Variants in C1orf35 observed in about 807,000 individuals in gnomAD.
C1orf35 encodes the protein multiple myeloma tumor-associated protein 2.
Under a neutral mutation model 30.9 loss-of-function variants are expected in C1orf35, and 36 were observed. That is an observed-to-expected ratio of 1.16 (90% CI 0.89 to 1.54). The LOEUF (loss-of-function observed/expected upper bound fraction) is 1.54. C1orf35 is among the 40% of genes most tolerant of loss of function. The pLI is 0.00. For synonymous variants in C1orf35, 179 were observed against 148.2 expected (o/e 1.21, Z -1.51); for missense variants, 396 against 358.7 (o/e 1.10, Z -0.84).
rs1363764730 is a variant in C1orf35 at position 228,101,145 on chromosome 1, C to T, written c.778G>A (p.Gly260Ser). Reference sequence around the variant, plus strand: ...GGGTCCAGCCATCAGGCCTCAGAGCCTCTGTCATGCCACCTGCGAGACGGG... The same window carrying T: ...GGGTCCAGCCATCAGGCCTCAGAGCTTCTGTCATGCCACCTGCGAGACGGG... ...RSPSRRWHDR[G>S]SEA Residue 260 changes from glycine (G) to serine (S), a missense_variant, in exon 8 of 8, where the codon GGC becomes AGC. Coordinates refer to ENST00000272139, the MANE Select transcript of C1orf35 (RefSeq NM_024319.4). The T allele has an allele frequency of 6.2e-7, 1 of 1,613,660 alleles. No individual in the cohort carries two copies. Among genetic ancestry groups the T allele is most frequent in the Non-Finnish European group, 8.5e-7 (1 of 1,180,034 alleles).
At position 228,102,338 on chromosome 1, in the gene C1orf35, G is replaced by T. The variant is rs1443491895; in HGVS notation, c.419C>A (p.Ala140Asp). 6.2e-7 allele frequency: 1 copy of T among 1,611,388 alleles called. No homozygotes were observed. The highest frequency in any genetic ancestry group is 8.5e-7 in the Non-Finnish European group (1 of 1,179,730). The change falls in exon 5 of 8, where the codon GCC becomes GAC. Residue 140 changes from alanine (A) to aspartate (D), a missense_variant. By Grantham distance (126) the Ala-to-Asp change is moderately radical (BLOSUM62 -2). Coordinates refer to ENST00000272139, the MANE Select transcript of C1orf35 (RefSeq NM_024319.4). The part of the protein sequence containing the change: ...RVAMSREDKE[A>D]AKLGLSVFTH... The stretch of plus-strand genomic sequence containing the variant: ...GAACACAGACAGCCCCAGTTTGGCG[G>T]CCTCCTTGTCCTCTCGGGACATCGC...
At chr1:228,101,910 C>T in intron 6 of C1orf35, 170 bp downstream of exon 6, 1 of 1,421,190 alleles carries the variant, frequency 7.0e-7, no homozygotes, top group Non-Finnish European at 9.1e-7. Context: ...ACCCGAGAAA[C>T]TCCCCTAGAG....
Position 228,101,409 on chromosome 1 carries a change from C to G in C1orf35, c.598G>C (p.Glu200Gln). 1 of 1,613,892 alleles carries G rather than the reference C, an allele frequency of 6.2e-7. No homozygotes were observed. ...KKKKKRKHKKEKKKKDKEHRR... is the reference protein window; with the variant it reads ...KKKKKRKHKKQKKKKDKEHRR... Reference sequence around the variant, plus strand: ...TGCTCTTTGTCTTTCTTCTTCTTCTCTTTCTTGTGTTTCCTCTTTTTCTTT... The same window carrying G: ...TGCTCTTTGTCTTTCTTCTTCTTCTGTTTCTTGTGTTTCCTCTTTTTCTTT... Residue 200 changes from glutamate (E) to glutamine (Q), a missense_variant, in exon 7 of 8, where the codon GAG becomes CAG. Glu to Gln is a conservative substitution (Grantham distance 29). Transcript: ENST00000272139.
At chr1:228,102,188 G>A (rs1247482819) in intron 5 of C1orf35, 23 bp from the exon 6 acceptor site, 1 of 1,570,120 alleles carries the variant, frequency 6.4e-7, no homozygotes, top group African/African-American at 1.3e-5. Flanking sequence ...CGAGCTCTGC[G>A]GAGGAGTCTG....
Position 228,103,309 on chromosome 1 carries a change from G to T in C1orf35, c.-82C>A, listed in dbSNP as rs1341947407. ...CGAGACCCGCTACCCACTACCGTCG[G>T]ACCCAGGCCCGACCCCGCCTCCGCG... On this transcript the variant is annotated 5_prime_UTR_variant, in exon 1 of 8. Coordinates refer to ENST00000272139, the MANE Select transcript of C1orf35 (RefSeq NM_024319.4). 5.3e-6 allele frequency: 8 copies of T among 1,500,314 alleles called. No homozygotes were observed. Among genetic ancestry groups the T allele is most frequent in the East Asian group, 5.0e-5 (2 of 40,124 alleles). 92.9% of individuals were successfully genotyped at this position (1,500,314 alleles called of 1,614,324 possible).
At chr1:228,101,645 G>A (rs1297821341) in intron 6 of C1orf35, 172 bp from the exon 7 acceptor site, 7 of 1,464,218 alleles carry the variant, frequency 4.8e-6, no homozygotes, top group Middle Eastern at 2.5e-4. Context: ...CAGTGGCTAC[G>A]TGGGTTAGAA....
Position 228,101,409 on chromosome 1 carries a change from CT to C in C1orf35, c.597del (p.Glu200ArgfsTer77), listed in dbSNP as rs776514643. The C allele has an allele frequency of 2.0e-5, 33 of 1,613,892 alleles. No individual in the cohort carries two copies. The highest frequency in any genetic ancestry group is 2.8e-5 in the Non-Finnish European group (33 of 1,179,936). On this transcript the variant is annotated frameshift_variant, in exon 7 of 8. Coordinates refer to ENST00000272139, the MANE Select transcript of C1orf35 (RefSeq NM_024319.4). LOFTEE classifies it high-confidence loss of function. ...TGCTCTTTGTCTTTCTTCTTCTTCTCTTTCTTGTGTTTCCTCTTTTTCTTTT... is the reference window on the plus strand; with the variant it reads ...TGCTCTTTGTCTTTCTTCTTCTTCTCTTCTTGTGTTTCCTCTTTTTCTTTT... ...KKKKKKRKHK[K>X]EKKKKDKEHR...
intron 6 of C1orf35, 143 bp from the exon 7 acceptor site, chr1:228,101,616 A>C: frequency 1.3e-6 from 2 of 1,497,566 alleles, no homozygotes; most frequent in Non-Finnish European, 1.8e-6. Context: ...TCCACTCCTC[A>C]GTTACGTAGT....
Position 228,102,172 on chromosome 1 carries a change from G to A in C1orf35, c.448-7C>T, listed in dbSNP as rs773802973. The A allele has an allele frequency of 8.2e-6, 13 of 1,578,542 alleles. No homozygotes were observed. Among genetic ancestry groups the A allele is most frequent in the South Asian group, 3.4e-5 (3 of 88,604 alleles). The stretch of plus-strand genomic sequence containing the variant: ...CGCTCTCTACGCGGTGATGCTGCGG[G>A]AGAAGCGAGCTCTGCGGAGGAGTCT... On this transcript the variant is annotated splice_polypyrimidine_tract_variant and splice_region_variant and intron_variant, in intron 5 of 7. Transcript: ENST00000272139.
In C1orf35 at chr1:228,102,954, C is replaced by G. The variant is rs758731379; in HGVS notation, c.190G>C (p.Glu64Gln). Residue 64 changes from glutamate (E) to glutamine (Q), a missense_variant, in exon 2 of 8, where the codon GAG (glutamate) becomes CAG (glutamine). Physicochemically the swap from Glu to Gln is conservative, Grantham distance 29. Transcript: ENST00000272139. Reference sequence around the variant, plus strand: ...TCCCGCACGGCTGCCAGTTCCTCCTCGCGGCTCGGGCCCGCGCATGGCGCC... The same window carrying G: ...TCCCGCACGGCTGCCAGTTCCTCCTGGCGGCTCGGGCCCGCGCATGGCGCC... ...GRAPCAGPSR[E>Q]EELAAVREAE... 1.3e-6 allele frequency: 2 copies of G among 1,517,950 alleles called. No individual in the cohort carries two copies. Among genetic ancestry groups the G allele is most frequent in the African/African-American group, 2.9e-5 (2 of 69,678 alleles). 94.0% of individuals were successfully genotyped at this position (1,517,950 alleles called of 1,614,324 possible).
rs776298667 is a variant in C1orf35, at chr1:228,102,161, T to C, written c.452A>G (p.His151Arg). 1 of 1,582,584 alleles carries C rather than the reference T, an allele frequency of 6.3e-7. No homozygotes were observed. ...CCCGGGCCCGCCGCTCTCTACGCGGTGATGCTGCGGGAGAAGCGAGCTCTG... is the reference window on the plus strand; with the variant it reads ...CCCGGGCCCGCCGCTCTCTACGCGGCGATGCTGCGGGAGAAGCGAGCTCTG... Reference protein sequence around the residue: ...AKLGLSVFTHHRVESGGPGTS... With the variant: ...AKLGLSVFTHRRVESGGPGTS... Residue 151 changes from histidine to arginine, a missense_variant, in exon 6 of 8, where the codon CAC becomes CGC. By Grantham distance (29) the His-to-Arg change is conservative. Transcript: ENST00000272139.
chr1:228,100,873 C>CTG lies in C1orf35; in HGVS notation c.*256_*257dup, dbSNP rs1264798953. The CTG allele has an allele frequency of 3.6e-6, 2 of 552,808 alleles. No homozygotes were observed. Among genetic ancestry groups the CTG allele is most frequent in the Middle Eastern group, 4.9e-4 (1 of 2,038 alleles). The allele number at this position is 552,808 out of a possible 1,614,324, so 34.2% of individuals were successfully genotyped here. A position where few individuals can be genotyped will look rare whatever the true frequency, so the allele number is the denominator to read the frequency against. Reference sequence around the variant, plus strand: ...GGACACAGAGGGAGTCCAGCCTCTACTGATAAATCTGGGCAGGTTCACCTT... The same window carrying CTG: ...GGACACAGAGGGAGTCCAGCCTCTACTGTGATAAATCTGGGCAGGTTCACCTT... On this transcript the variant is annotated 3_prime_UTR_variant, in exon 8 of 8. Transcript: ENST00000272139.
rs977351939 is a variant in C1orf35 at position 228,100,916 on chromosome 1, G to T, written c.*215C>A. 6.3e-5 allele frequency: 42 copies of T among 665,278 alleles called. No homozygotes were observed. In the African/African-American group the frequency reaches 6.9e-4, roughly 11 times the overall value. 41.2% of individuals were successfully genotyped at this position (665,278 alleles called of 1,614,324 possible). On this transcript the variant is annotated 3_prime_UTR_variant, in exon 8 of 8. Coordinates refer to ENST00000272139, the MANE Select transcript of C1orf35 (RefSeq NM_024319.4). ...TTCACCTTCGCAGGCCAAGCCAGGG[G>T]CCATCCCTGGTATGCGAAACCTGGA...
At position 228,101,054 on chromosome 1, in the gene C1orf35, G is replaced by A; in HGVS notation, c.*77C>T. The A allele has an allele frequency of 1.3e-6, 2 of 1,587,922 alleles. No homozygotes were observed. The highest frequency in any genetic ancestry group is 1.7e-6 in the Non-Finnish European group (2 of 1,171,484). On this transcript the variant is annotated 3_prime_UTR_variant, in exon 8 of 8. Coordinates refer to ENST00000272139, the MANE Select transcript of C1orf35 (RefSeq NM_024319.4). ...GCCTCGGGCTTCACCCACACCCAAG[G>A]AGCTTCCGAGGCAGGAGGCAAGCAA...
chr1:228,102,157 G>A lies in C1orf35; in HGVS notation c.456C>T (p.Arg152=). ...AGGTCCCGGGCCCGCCGCTCTCTACGCGGTGATGCTGCGGGAGAAGCGAGC... is the reference window on the plus strand; with the variant it reads ...AGGTCCCGGGCCCGCCGCTCTCTACACGGTGATGCTGCGGGAGAAGCGAGC... The part of the protein sequence containing the change: ...KLGLSVFTHH[R]VESGGPGTSA... The change falls in exon 6 of 8, where the codon CGC becomes CGT. Residue 152 remains arginine (R), a synonymous_variant. Coordinates refer to ENST00000272139, the MANE Select transcript of C1orf35 (RefSeq NM_024319.4). The A allele has an allele frequency of 6.3e-7, 1 of 1,583,790 alleles. No homozygotes were observed. Among genetic ancestry groups the A allele is most frequent in the Non-Finnish European group, 8.5e-7 (1 of 1,172,256 alleles).
chr1:228,101,005 C>G lies in C1orf35; in HGVS notation c.*126G>C. On this transcript the variant is annotated 3_prime_UTR_variant, in exon 8 of 8. Coordinates refer to ENST00000272139, the MANE Select transcript of C1orf35 (RefSeq NM_024319.4). ...AAGTCTTTAGCCCCACAGGCTGGTG[C>G]CCAGAGCCACTTCCACAGGAGCAGC... 3.5e-6 allele frequency: 5 copies of G among 1,415,372 alleles called. No homozygotes were observed. The highest frequency in any genetic ancestry group is 9.6e-7 in the Non-Finnish European group (1 of 1,039,360). 87.7% of individuals were successfully genotyped at this position (1,415,372 alleles called of 1,614,324 possible). A position where few individuals can be genotyped will look rare whatever the true frequency, so the allele number is the denominator to read the frequency against.
At position 228,102,625 on chromosome 1, in the gene C1orf35, C is replaced by A. The variant is rs1459998778; in HGVS notation, c.291+18G>T. 2 of 1,598,036 alleles carry A rather than the reference C, an allele frequency of 1.3e-6. No homozygotes were observed. The highest frequency in any genetic ancestry group is 1.7e-6 in the Non-Finnish European group (2 of 1,174,504). ...CACACCCACGGCCCTCCACGCGCCC[C>A]CCACCCCGGGGAGTTACCTCCTTGC... On this transcript the variant is annotated intron_variant, in intron 3 of 7. Coordinates refer to ENST00000272139, the MANE Select transcript of C1orf35 (RefSeq NM_024319.4).
rs754634528 is a variant in C1orf35, at chr1:228,101,098, G to C, written c.*33C>G. Reference sequence around the variant, plus strand: ...CAAGCAAGGTGAAGGGAGGGTTCAGGGTCCCACAACAGCAGTGAGCAGGGT... The same window carrying C: ...CAAGCAAGGTGAAGGGAGGGTTCAGCGTCCCACAACAGCAGTGAGCAGGGT... On this transcript the variant is annotated 3_prime_UTR_variant, in exon 8 of 8. Coordinates refer to ENST00000272139, the MANE Select transcript of C1orf35 (RefSeq NM_024319.4). 3 of 1,609,052 alleles carry C rather than the reference G, an allele frequency of 1.9e-6. No homozygotes were observed. The highest frequency in any genetic ancestry group is 8.5e-7 in the Non-Finnish European group (1 of 1,179,934).
At chr1:228,103,076 G>A (rs757519626) in intron 1 of C1orf35, 27 bp from the exon 2 acceptor site, 23 of 1,605,734 alleles carry the variant, frequency 1.4e-5, no homozygotes, top group Non-Finnish European at 1.8e-5. Flanking sequence ...TGTGAGTCCA[G>A]CGCCCGCCCG....
Sources: allele counts gnomAD v4.1 joint callset, GRCh38; gene constraint gnomAD v4.1.1; transcripts MANE v1.5; gene names NCBI Gene and HGNC (gene_info 2026-07-23, HGNC 2026-07-21).